The following GBP1 variants were observed in gnomAD, a reference collection of about 807,000 sequenced individuals.
GBP1 encodes guanylate-binding protein 1.
In GBP1, 64 loss-of-function variants were observed where a neutral mutation model predicts 69.5. That is an observed-to-expected ratio of 0.92 (90% CI 0.75 to 1.13). The LOEUF (loss-of-function observed/expected upper bound fraction) is 1.13, where lower values mean the gene tolerates loss of function less well. GBP1 is among the 50% of genes most tolerant of loss of function. The probability of loss-of-function intolerance (pLI) is 0.00; values close to 1 mark genes in which losing one functional copy is unlikely to be tolerated. For synonymous variants in GBP1, 250 were observed against 261.2 expected, an observed-to-expected ratio of 0.96 and a Z score of 0.41; for missense variants, 630 against 704.1, an observed-to-expected ratio of 0.89 and a Z score of 1.19.
intron 1 of GBP1, among the ~76,000 whole-genome samples, chr1:89,063,792 C>A (rs917842620): frequency 6.6e-6 from 1 of 152,156 alleles, no homozygotes; most frequent in African/African-American, 2.4e-5. Flanking sequence ...TCTCACATTG[C>A]CATTCTGGAA....
chr1:89,059,366 C>A lies in GBP1; in HGVS notation c.379G>T (p.Val127Leu), dbSNP rs147930913. ...ALAVLLSSTFVYNSIGTINQQ... is the reference protein window; with the variant it reads ...ALAVLLSSTFLYNSIGTINQQ... ...TTGATGGTTCCTATGCTATTGTACA[C>A]GAAGGTGCTGCTCAGGAGGACGGCC... The change falls in exon 4 of 11, where the codon GTG (valine) becomes TTG (leucine). Residue 127 changes from valine to leucine, a missense_variant. By Grantham distance (32) the Val-to-Leu change is conservative. Coordinates refer to ENST00000370473, the MANE Select transcript of GBP1 (RefSeq NM_002053.3). 4 of 1,613,918 alleles carry A rather than the reference C, an allele frequency of 2.5e-6. No homozygotes were observed. In the African/African-American group the frequency reaches 5.3e-5, roughly 22 times the overall value.
chr1:89,053,604 T>C, intron 10 of GBP1, 136 bp from the exon 11 acceptor site: 3 of 1,351,660 alleles, frequency 2.2e-6, no homozygotes, highest in Non-Finnish European at 2.0e-6. Context: ...TACTTTGGCC[T>C]ATCATTGACC....
chr1:89,064,240 TGAGAGA>T (rs34743787), intron 1 of GBP1, among the ~76,000 whole-genome samples: 1,211 of 99,910 alleles, frequency 0.012, 31 homozygotes, highest in East Asian at 0.09. Context: ...TGTGTGTGTG[TGAGAGA>T]GAGAGAGAGA....
chr1:89,059,964 G>T (rs552895203), intron 3 of GBP1, among the ~76,000 whole-genome samples: 97 of 152,312 alleles, frequency 6.4e-4, no homozygotes, highest in African/African-American at 2.3e-3. Context: ...TACTGAATTA[G>T]TGACAGAATT....
chr1:89,056,397 G>A (rs186858542), intron 7 of GBP1, among the ~76,000 whole-genome samples, 169 bp from the exon 8 acceptor site: 19 of 152,220 alleles, frequency 1.2e-4, no homozygotes, highest in Admixed American at 3.3e-4. Context: ...TGCTGAAGTC[G>A]CTTTCTTTTT....
intron 10 of GBP1, among the ~76,000 whole-genome samples, chr1:89,054,244 T>C (rs943438086): frequency 3.3e-5 from 5 of 151,910 alleles, no homozygotes; most frequent in Non-Finnish European, 5.9e-5. Context: ...GGACTACAGG[T>C]GCCCGCCACC....
At chr1:89,058,263 T>G (rs1680096683) in intron 5 of GBP1, 29 bp from the exon 6 acceptor site, 2 of 1,543,044 alleles carry the variant, frequency 1.3e-6, no homozygotes, top group African/African-American at 2.8e-5. Context: ...AATTATAAAA[T>G]TGCCTAATAT....
chr1:89,054,228 T>A (rs990206250), intron 10 of GBP1, among the ~76,000 whole-genome samples: 5 of 151,864 alleles, frequency 3.3e-5, no homozygotes, highest in African/African-American at 1.2e-4. Context: ...GCTTCCTGAG[T>A]AGCTGGGACT....
At chr1:89,058,809 A>T in intron 5 of GBP1, 32 bp downstream of exon 5, 4 of 1,605,844 alleles carry the variant, frequency 2.5e-6, no homozygotes, top group Admixed American at 3.3e-5. Context: ...GTGTTTTCTC[A>T]TCCTCATTTA....
intron 10 of GBP1, among the ~76,000 whole-genome samples, chr1:89,054,162 C>T (rs1023959278): frequency 8.6e-5 from 13 of 151,478 alleles, no homozygotes; most frequent in East Asian, 3.9e-4. Flanking sequence ...TGCAGTGGTG[C>T]GATCTCAGCT....
chr1:89,057,967 C>T (rs773934582), intron 6 of GBP1, 25 bp downstream of exon 6: 9 of 1,594,780 alleles, frequency 5.6e-6, no homozygotes, highest in Admixed American at 3.4e-5. Flanking sequence ...AAACAATGAG[C>T]AGAAGTACTA....
rs1435928288 is a variant in GBP1 at position 89,063,110 on chromosome 1, GCCA to G, written c.122_124del (p.Val41del). ...GCCTGTGCGGTAGAGGCCCACAATT[GCCA>G]CCACCACCATAGGCTGTGTAATGGC... On this transcript the variant is annotated inframe_deletion, in exon 2 of 11. Transcript: ENST00000370473. The G allele has an allele frequency of 6.2e-7, 1 of 1,613,928 alleles. No individual in the cohort carries two copies. The highest frequency in any genetic ancestry group is 8.5e-7 in the Non-Finnish European group (1 of 1,179,980).
chr1:89,062,964 C>T (rs1474048541), intron 2 of GBP1, 81 bp downstream of exon 2: 2 of 1,541,326 alleles, frequency 1.3e-6, no homozygotes, highest in African/African-American at 1.4e-5. Flanking sequence ...TCATCTCTTT[C>T]TCTCCTCACA....
chr1:89,053,137 G>C lies in GBP1; in HGVS notation c.*218C>G, dbSNP rs1679959879. The C allele has an allele frequency of 2.3e-6, 1 of 426,050 alleles. No individual in the cohort carries two copies. Among genetic ancestry groups the C allele is most frequent in the African/African-American group, 2.1e-5 (1 of 48,040 alleles). The allele number at this position is 426,050 out of a possible 1,614,324, so 26.4% of individuals were successfully genotyped here. On this transcript the variant is annotated 3_prime_UTR_variant, in exon 11 of 11. Coordinates refer to ENST00000370473, the MANE Select transcript of GBP1 (RefSeq NM_002053.3). ...GTGGTACCAGCTTATGAGATTTCCT[G>C]AGTTGATACAGAGGTAAATGCATCT...
intron 2 of GBP1, chr1:89,062,585 G>A (rs1457569575): frequency 6.4e-6 from 1 of 155,686 alleles, no homozygotes; most frequent in Non-Finnish European, 1.4e-5. Flanking sequence ...GTATAACAAT[G>A]TGAATTTCAT....
intron 6 of GBP1, 119 bp downstream of exon 6, chr1:89,057,873 T>G (rs1680083612): frequency 8.8e-7 from 1 of 1,142,480 alleles, no homozygotes; most frequent in Admixed American, 2.4e-5. Flanking sequence ...TGGTGCCATC[T>G]AGAATTTAAC....
Position 89,064,931 on chromosome 1 carries a change from G to T in GBP1, c.-20+229C>A, listed in dbSNP as rs113268635. Among the ~76,000 whole-genome samples, 1,458 of 152,262 alleles carry T rather than the reference G, an allele frequency of 9.6e-3. 15 individuals carry two copies. The highest frequency in any genetic ancestry group is 0.032 in the African/African-American group (1,325 of 41,554). On this transcript the variant is annotated intron_variant, in intron 1 of 10. Coordinates refer to ENST00000370473, the MANE Select transcript of GBP1 (RefSeq NM_002053.3). Reference sequence around the variant, plus strand: ...CTAATTCAACACAAGCACTGTAGTGGCACTTAAGGCCATGCTGTCCCTGAT... The same window carrying T: ...CTAATTCAACACAAGCACTGTAGTGTCACTTAAGGCCATGCTGTCCCTGAT...
In GBP1 at chr1:89,055,127, T is replaced by C; in HGVS notation, c.1457A>G (p.Glu486Gly). 6.2e-7 allele frequency: 1 copy of C among 1,609,034 alleles called. No individual in the cohort carries two copies. Among genetic ancestry groups the C allele is most frequent in the Non-Finnish European group, 8.5e-7 (1 of 1,178,420 alleles). The change falls in exon 9 of 11, where the codon GAA (glutamate) becomes GGA (glycine). Residue 486 changes from glutamate (E) to glycine (G), a missense_variant. Around this residue, in one of 5 missense-constraint regions of GBP1, gnomAD observed 35 missense variants for 68.6 expected, o/e 0.51. Coordinates refer to ENST00000370473, the MANE Select transcript of GBP1 (RefSeq NM_002053.3). ...TCACTCCTCACCTTCAATCTCCTTT[T>C]CTTTTTCTGTGAGAGTCTGGTCTGT... ...LQTDQTLTEK[E>G]KEIEVERVKA...
chr1:89,053,624 C>G (rs1480770350), intron 10 of GBP1, among the ~76,000 whole-genome samples, 156 bp from the exon 11 acceptor site: 1 of 152,210 alleles, frequency 6.6e-6, no homozygotes, highest in Admixed American at 6.5e-5. Flanking sequence ...CAAAGCACAG[C>G]CATGTTCCTT....
Sources: allele counts gnomAD v4.1 joint callset (sites outside exome capture counted in the v4.1 genomes callset), GRCh38; gene constraint gnomAD v4.1.1; regional missense constraint gnomAD v4.1.1; transcripts MANE v1.5; gene names NCBI Gene and HGNC (gene_info 2026-07-23, HGNC 2026-07-21).